The following USH2A variants were observed in gnomAD, a reference collection of about 807,000 sequenced individuals.
USH2A encodes usherin.
A neutral mutation model predicts 538.9 loss-of-function variants in USH2A; 443 were observed. That is an observed-to-expected ratio of 0.82 (90% CI 0.76 to 0.89). USH2A has a LOEUF of 0.89. Among genes scored for constraint, USH2A ranks in the 40% least tolerant of loss-of-function variants. USH2A has a pLI of 0.00. For missense variants in USH2A, 6,633 were observed against 6,324.8 expected (o/e 1.05, Z -1.65); for synonymous variants, 2,413 against 2,273.5 (o/e 1.06, Z -1.75).
chr1:215,807,862 A>G (rs889277356), intron 49 of USH2A, among the ~76,000 whole-genome samples: 1 of 152,102 alleles, frequency 6.6e-6, no homozygotes, highest in Non-Finnish European at 1.5e-5. Flanking sequence ...CTTTACTCAT[A>G]TGCTCCTCAA....
intron 4 of USH2A, among the ~76,000 whole-genome samples, chr1:216,352,303 C>G (rs2038302221): frequency 6.6e-6 from 1 of 151,990 alleles, no homozygotes; most frequent in African/African-American, 2.4e-5. Context: ...TGAGACGCAG[C>G]AACTAGAAAC....
chr1:216,417,569 T>C (rs2039598767), intron 3 of USH2A, among the ~76,000 whole-genome samples: 1 of 152,142 alleles, frequency 6.6e-6, no homozygotes, highest in African/African-American at 2.4e-5. Flanking sequence ...AGTCTCCTGA[T>C]AGAATTCTCA....
intron 61 of USH2A, among the ~76,000 whole-genome samples, chr1:215,692,088 G>T (rs1352587692): frequency 6.6e-6 from 1 of 152,192 alleles, no homozygotes; most frequent in Non-Finnish European, 1.5e-5. Context: ...TTAAAGAAGT[G>T]TGGTAAGCAG....
At chr1:215,687,369 G>GTT (rs138044252) in intron 61 of USH2A, among the ~76,000 whole-genome samples, 2 of 147,400 alleles carry the variant, frequency 1.4e-5, no homozygotes, top group African/African-American at 5.0e-5. Flanking sequence ...AAGGGAGAAG[G>GTT]TTTTTTTTTT....
chr1:216,206,233 G>C (rs561103723), intron 16 of USH2A, among the ~76,000 whole-genome samples: 151 of 152,082 alleles, frequency 9.9e-4, no homozygotes, highest in African/African-American at 3.5e-3. Flanking sequence ...TCCAGTATTT[G>C]TAAATTAAAA....
intron 62 of USH2A, among the ~76,000 whole-genome samples, chr1:215,676,786 A>T (rs1007545956): frequency 6.7e-6 from 1 of 150,180 alleles, no homozygotes; most frequent in Non-Finnish European, 1.5e-5. Flanking sequence ...GTGACCCCCC[A>T]AGCACCCCTT....
chr1:215,990,683 C>T (rs1040908995), intron 35 of USH2A, among the ~76,000 whole-genome samples: 9 of 150,934 alleles, frequency 6.0e-5, no homozygotes, highest in African/African-American at 1.5e-4. Flanking sequence ...AAGAGGCCTA[C>T]GGTTAGCCTA....
chr1:215,820,251 T>C (rs540175807), intron 47 of USH2A, among the ~76,000 whole-genome samples: 6 of 151,240 alleles, frequency 4.0e-5, no homozygotes, highest in Non-Finnish European at 7.4e-5. Context: ...ACACATTTTT[T>C]TCTCTCTCAA....
intron 33 of USH2A, 30 bp downstream of exon 33, chr1:216,000,373 G>A: frequency 6.2e-7 from 1 of 1,612,934 alleles, no homozygotes; most frequent in Non-Finnish European, 8.5e-7. Flanking sequence ...GCATGAACCA[G>A]CATGTGAGAG....
At chr1:216,214,772 T>C (rs2035310924) in intron 15 of USH2A, among the ~76,000 whole-genome samples, 1 of 151,556 alleles carries the variant, frequency 6.6e-6, no homozygotes, top group African/African-American at 2.4e-5. Context: ...AAAGAAAAAA[T>C]GTGGATATAA....
chr1:216,268,242 A>G (rs1355860994), intron 11 of USH2A, among the ~76,000 whole-genome samples: 1 of 152,066 alleles, frequency 6.6e-6, no homozygotes, highest in Non-Finnish European at 1.5e-5. Flanking sequence ...CCTCAACTAA[A>G]TGATATAAAT....
At chr1:216,080,182 G>C (rs1052595917) in intron 26 of USH2A, 1 of 152,100 alleles carries the variant, frequency 6.6e-6, no homozygotes, top group African/African-American at 2.4e-5. Context: ...AAATAAATAA[G>C]ATTATTCAGT....
chr1:216,001,510 C>A (rs1668265227), intron 32 of USH2A, among the ~76,000 whole-genome samples: 1 of 152,146 alleles, frequency 6.6e-6, no homozygotes, highest in Admixed American at 6.5e-5. Flanking sequence ...ATATCCTGAA[C>A]ACTTCATTAC....
At chr1:216,001,675 T>C (rs1208580962) in intron 32 of USH2A, among the ~76,000 whole-genome samples, 1 of 152,126 alleles carries the variant, frequency 6.6e-6, no homozygotes, top group East Asian at 1.9e-4. Flanking sequence ...TCATTAACCA[T>C]GAGCCACCAC....
intron 4 of USH2A, among the ~76,000 whole-genome samples, chr1:216,342,176 G>A (rs991492697): frequency 2.0e-5 from 3 of 152,002 alleles, no homozygotes; most frequent in Non-Finnish European, 4.4e-5. Flanking sequence ...TCAAAAAGTG[G>A]GCAAAGGATA....
chr1:216,189,321 G>T (rs2034670108), intron 20 of USH2A, among the ~76,000 whole-genome samples: 2 of 151,858 alleles, frequency 1.3e-5, no homozygotes, highest in Non-Finnish European at 2.9e-5. Flanking sequence ...GAAGGGATTT[G>T]GGGAGGAGGT....
At chr1:215,695,339 C>T (rs954744526) in intron 61 of USH2A, among the ~76,000 whole-genome samples, 1 of 152,194 alleles carries the variant, frequency 6.6e-6, no homozygotes, top group Non-Finnish European at 1.5e-5. Flanking sequence ...AGAGCCTATC[C>T]TATCCTATCT....
At chr1:216,275,185 G>T (rs2036648842) in intron 11 of USH2A, among the ~76,000 whole-genome samples, 1 of 151,872 alleles carries the variant, frequency 6.6e-6, no homozygotes, top group South Asian at 2.1e-4. Flanking sequence ...TTCGCTCAGA[G>T]GATATAAGCT....
At chr1:215,747,106 A>G (rs1444850152) in intron 58 of USH2A, among the ~76,000 whole-genome samples, 2 of 152,234 alleles carry the variant, frequency 1.3e-5, no homozygotes, top group Non-Finnish European at 2.9e-5. Flanking sequence ...CTGATGTGCC[A>G]GTGTGCTGAA....
Sources: allele counts gnomAD v4.1 joint callset (sites outside exome capture counted in the v4.1 genomes callset), GRCh38; gene constraint gnomAD v4.1.1; transcripts MANE v1.5; gene names NCBI Gene and HGNC (gene_info 2026-07-23, HGNC 2026-07-21).